Variants in CSMD1 observed in about 807,000 individuals in gnomAD.
CSMD1 encodes CUB and Sushi multiple domains 1.
In CSMD1, 213 loss-of-function variants were observed where a neutral mutation model predicts 417.5. The ratio of observed to expected loss-of-function variants is 0.51; its 90% confidence interval spans 0.46 to 0.57. The LOEUF (loss-of-function observed/expected upper bound fraction) is 0.57. Among genes scored for constraint, CSMD1 ranks in the 20% least tolerant of loss-of-function variants. The pLI, the probability that CSMD1 is intolerant of heterozygous loss-of-function variation, is 0.00. For synonymous variants in CSMD1, 2,862 were observed against 1,736.8 expected, an observed-to-expected ratio of 1.65 and a Z score of -16.11; for missense variants, 6,923 against 4,529.7, an observed-to-expected ratio of 1.53 and a Z score of -15.17.
At chr8:3,720,688 G>A (rs1802111685) in intron 6 of CSMD1, among the ~76,000 whole-genome samples, 1 of 150,744 alleles carries the variant, frequency 6.6e-6, no homozygotes, top group Non-Finnish European at 1.5e-5. Context: ...CCCATGGGAA[G>A]CTTAAATGAT....
At chr8:4,267,662 T>A (rs996913462) in intron 3 of CSMD1, among the ~76,000 whole-genome samples, 1 of 152,056 alleles carries the variant, frequency 6.6e-6, no homozygotes, top group Non-Finnish European at 1.5e-5. Context: ...TACTTCGTGT[T>A]TAGGCTTTGG....
At chr8:4,052,194 G>C (rs950793704) in intron 3 of CSMD1, among the ~76,000 whole-genome samples, 6 of 152,102 alleles carry the variant, frequency 3.9e-5, no homozygotes, top group Admixed American at 1.3e-4. Flanking sequence ...GAAAGTGCTG[G>C]GGTTACAGGC....
At chr8:4,032,391 T>C (rs563208419) in intron 3 of CSMD1, among the ~76,000 whole-genome samples, 1 of 152,140 alleles carries the variant, frequency 6.6e-6, no homozygotes, top group Non-Finnish European at 1.5e-5. Context: ...GGATTATATT[T>C]TTCTAGTCAC....
At chr8:4,897,885 G>A (rs775589842) in intron 1 of CSMD1, among the ~76,000 whole-genome samples, 6 of 152,076 alleles carry the variant, frequency 3.9e-5, no homozygotes, top group Non-Finnish European at 8.8e-5. Context: ...ACATTACATC[G>A]TAAACCAGAG....
chr8:4,640,948 TG>T (rs2130867393), intron 1 of CSMD1, among the ~76,000 whole-genome samples: 1 of 151,118 alleles, frequency 6.6e-6, no homozygotes, highest in East Asian at 2.0e-4. Flanking sequence ...TCAATATCAA[TG>T]GCAATATCAA....
chr8:4,265,658 G>T (rs1381210283), intron 3 of CSMD1, among the ~76,000 whole-genome samples: 1 of 105,042 alleles, frequency 9.5e-6, no homozygotes, highest in African/African-American at 2.6e-5. Flanking sequence ...AATTCTGTCA[G>T]CATTTTGATA....
chr8:3,744,193 G>C (rs919439422), intron 6 of CSMD1, among the ~76,000 whole-genome samples: 1 of 152,218 alleles, frequency 6.6e-6, no homozygotes, highest in Admixed American at 6.5e-5. Flanking sequence ...GGGAGTGGGA[G>C]TTGAGGACAG....
Position 2,974,444 on chromosome 8 carries a change from C to G in CSMD1, c.8740+7G>C, listed in dbSNP as rs1563197143. 2 of 1,574,196 alleles carry G rather than the reference C, an allele frequency of 1.3e-6. No homozygotes were observed. Among genetic ancestry groups the G allele is most frequent in the Middle Eastern group, 1.7e-4 (1 of 5,784 alleles). On this transcript the variant is annotated splice_region_variant and intron_variant, in intron 56 of 69. Coordinates refer to ENST00000635120, the MANE Select transcript of CSMD1 (RefSeq NM_033225.6). ...TAATTCTGTCAGTTCACTCGTAAGC[C>G]CCTCACCTGTGCAGTGGGGCAGTGC...
At chr8:4,934,097 A>G (rs1807440285) in intron 1 of CSMD1, among the ~76,000 whole-genome samples, 1 of 152,170 alleles carries the variant, frequency 6.6e-6, no homozygotes, top group Non-Finnish European at 1.5e-5. Context: ...TTGAGGCGGC[A>G]GCCGTGAGCA....
intron 17 of CSMD1, among the ~76,000 whole-genome samples, chr8:3,390,950 C>G (rs1030344544): frequency 2.0e-5 from 3 of 152,002 alleles, no homozygotes; most frequent in Admixed American, 1.3e-4. Context: ...AGCCAGTGAG[C>G]CAAGAAATTA....
intron 5 of CSMD1, among the ~76,000 whole-genome samples, chr8:3,871,062 A>T (rs1805452469): frequency 6.6e-6 from 1 of 152,026 alleles, no homozygotes. Context: ...TTATTCCATG[A>T]CTTACGTATG....
chr8:3,826,580 C>G (rs377209247), intron 5 of CSMD1, among the ~76,000 whole-genome samples: 20 of 152,116 alleles, frequency 1.3e-4, no homozygotes, highest in Admixed American at 1.2e-3. Context: ...TTGAGATTAA[C>G]CACTGGCCCA....
chr8:3,742,686 C>T (rs965721322), intron 6 of CSMD1, among the ~76,000 whole-genome samples: 30 of 151,710 alleles, frequency 2.0e-4, no homozygotes, highest in African/African-American at 7.3e-4. Flanking sequence ...GTCAGCACTC[C>T]AGTTTAATCA....
intron 5 of CSMD1, among the ~76,000 whole-genome samples, chr8:3,835,626 G>A (rs1024382239): frequency 2.6e-5 from 4 of 151,884 alleles, no homozygotes; most frequent in Non-Finnish European, 5.9e-5. Flanking sequence ...ACGAGTTAAT[G>A]GGTGCAGCAC....
At chr8:3,041,897 G>A (rs928458691) in intron 50 of CSMD1, among the ~76,000 whole-genome samples, 1 of 152,148 alleles carries the variant, frequency 6.6e-6, no homozygotes, top group African/African-American at 2.4e-5. Flanking sequence ...CAAACGTTAT[G>A]CTCATTTCTA....
At chr8:3,887,758 T>C (rs1806663694) in intron 5 of CSMD1, among the ~76,000 whole-genome samples, 1 of 152,226 alleles carries the variant, frequency 6.6e-6, no homozygotes, top group Non-Finnish European at 1.5e-5. Flanking sequence ...TACTGTAATA[T>C]CTCCCTAAAT....
chr8:3,317,720 C>T (rs554903105), intron 23 of CSMD1, among the ~76,000 whole-genome samples: 2 of 152,202 alleles, frequency 1.3e-5, no homozygotes, highest in African/African-American at 4.8e-5. Context: ...TTCACAATAT[C>T]ATGCCTTGTA....
At chr8:3,029,258 T>C in intron 51 of CSMD1, 61 bp downstream of exon 51, 1 of 1,405,896 alleles carries the variant, frequency 7.1e-7, no homozygotes, top group South Asian at 1.4e-5. Flanking sequence ...ACCACTGACA[T>C]AAGCCATCTA....
chr8:4,508,749 T>C (rs1585180901), intron 2 of CSMD1, among the ~76,000 whole-genome samples: 1 of 152,074 alleles, frequency 6.6e-6, no homozygotes, highest in Admixed American at 6.6e-5. Flanking sequence ...AATGTAAAGA[T>C]GTAAAACACT....
Sources: gnomAD v4.1 joint callset for allele counts (sites outside exome capture counted in the v4.1 genomes callset) on GRCh38, gnomAD v4.1.1 for gene constraint, MANE v1.5 for transcripts, NCBI Gene and HGNC (gene_info 2026-07-23, HGNC 2026-07-21) for gene names.